The following RBMS3 variants were observed in gnomAD, a reference collection of about 807,000 sequenced individuals.
RBMS3 encodes the protein RNA-binding motif, single-stranded-interacting protein 3.
In RBMS3, 27 loss-of-function variants were observed where a neutral mutation model predicts 66.8. The observed-to-expected ratio is 0.40, with a 90% CI of 0.30 to 0.56. The LOEUF (loss-of-function observed/expected upper bound fraction) is 0.56. Among genes scored for constraint, RBMS3 ranks in the 20% least tolerant of loss-of-function variants. The probability of loss-of-function intolerance (pLI) is 0.40; values close to 1 mark genes in which losing one functional copy is unlikely to be tolerated. For missense variants in RBMS3, 513 were observed against 549.5 expected (o/e 0.93, Z 0.66); for synonymous variants, 188 against 183.0 (o/e 1.03, Z -0.22).
chr3:29,466,450 G>A (rs1256052376), intron 2 of RBMS3, among the ~76,000 whole-genome samples: 1 of 152,102 alleles, frequency 6.6e-6, no homozygotes, highest in Non-Finnish European at 1.5e-5. Context: ...TCCTTCAGAA[G>A]ATTAAATATT....
At chr3:29,323,793 C>T (rs1457291181) in intron 1 of RBMS3, among the ~76,000 whole-genome samples, 1 of 151,964 alleles carries the variant, frequency 6.6e-6, no homozygotes, top group Admixed American at 6.6e-5. Flanking sequence ...ATATAATTCA[C>T]ACCCCTTCTT....
chr3:29,737,270 C>G lies in RBMS3; in HGVS notation c.400-2450C>G, dbSNP rs368322795. On this transcript the variant is annotated intron_variant, in intron 4 of 14. Transcript: ENST00000383767. ...GATTACAGGCATGAGCCACTGCGCC[C>G]GGCCTACAAAGTTATTTTTTAAAAT... Among the ~76,000 whole-genome samples the G allele has an allele frequency of 7.6e-4, 116 of 152,244 alleles. 1 individual carries two copies. The South Asian group carries it at 0.01, about 14-fold the overall frequency.
At chr3:29,432,758 G>A (rs2041256603) in intron 1 of RBMS3, among the ~76,000 whole-genome samples, 2 of 152,194 alleles carry the variant, frequency 1.3e-5, no homozygotes, top group Non-Finnish European at 2.9e-5. Flanking sequence ...GAGTGTTGTA[G>A]GATGATACTT....
At chr3:29,284,858 T>A (rs1043432202) in intron 1 of RBMS3, among the ~76,000 whole-genome samples, 64 of 100,650 alleles carry the variant, frequency 6.4e-4, no homozygotes, top group African/African-American at 2.6e-3. Context: ...TTTGATGAAT[T>A]TTTCTTTTTT....
At chr3:29,664,816 T>C (rs2050691977) in intron 4 of RBMS3, among the ~76,000 whole-genome samples, 1 of 152,204 alleles carries the variant, frequency 6.6e-6, no homozygotes, top group Non-Finnish European at 1.5e-5. Context: ...AGGACACTTC[T>C]AGGTAAATGT....
intron 2 of RBMS3, among the ~76,000 whole-genome samples, chr3:29,479,279 T>C (rs1162142055): frequency 6.6e-6 from 1 of 151,024 alleles, no homozygotes. Flanking sequence ...TAATAGCATA[T>C]GTAATGTATA....
intron 4 of RBMS3, among the ~76,000 whole-genome samples, chr3:29,665,150 C>A (rs2050702823): frequency 6.6e-6 from 1 of 152,046 alleles, no homozygotes; most frequent in African/African-American, 2.4e-5. Context: ...CAATTCTTAC[C>A]AGATTTCTGA....
intron 4 of RBMS3, among the ~76,000 whole-genome samples, chr3:29,718,543 G>A (rs751663622): frequency 6.6e-6 from 1 of 152,000 alleles, no homozygotes; most frequent in Non-Finnish European, 1.5e-5. Flanking sequence ...AGAAAGCACC[G>A]AGATGAAAAG....
chr3:29,614,702 C>G (rs2048603923), intron 4 of RBMS3: 1 of 152,046 alleles, frequency 6.6e-6, no homozygotes, highest in African/African-American at 2.4e-5. Context: ...AGTATAAATT[C>G]TAGCTTGTTA....
chr3:29,446,999 G>A (rs1358149480), intron 2 of RBMS3, among the ~76,000 whole-genome samples: 7 of 127,300 alleles, frequency 5.5e-5, no homozygotes, highest in South Asian at 2.8e-4. Flanking sequence ...CTGCACCTCC[G>A]CCTCCCACGT....
chr3:29,679,787 T>TATATATATATATA, intron 4 of RBMS3, among the ~76,000 whole-genome samples: 3 of 149,504 alleles, frequency 2.0e-5, no homozygotes, highest in African/African-American at 7.5e-5. Flanking sequence ...TATATATATA[T>TATATATATATATA]TATACATAGT....
intron 4 of RBMS3, among the ~76,000 whole-genome samples, chr3:29,732,735 T>G (rs912250585): frequency 1.3e-5 from 2 of 152,124 alleles, no homozygotes; most frequent in Non-Finnish European, 1.5e-5. Context: ...CATTTAGTTT[T>G]TATTATTATT....
At chr3:29,305,300 A>G (rs924555310) in intron 1 of RBMS3, among the ~76,000 whole-genome samples, 3 of 151,720 alleles carry the variant, frequency 2.0e-5, no homozygotes, top group Admixed American at 6.6e-5. Context: ...TTTTCTGTTT[A>G]TTTTCTTACT....
At chr3:29,648,462 A>G (rs1441784135) in intron 4 of RBMS3, among the ~76,000 whole-genome samples, 1 of 151,506 alleles carries the variant, frequency 6.6e-6, no homozygotes, top group Non-Finnish European at 1.5e-5. Flanking sequence ...TTGTAGAGAC[A>G]GGGTTTTGCC....
chr3:29,981,336 C>T lies in RBMS3; in HGVS notation c.1099-6807C>T, dbSNP rs556224664. 1.1e-4 allele frequency among the ~76,000 whole-genome samples: 17 copies of T among 152,196 alleles called. No homozygotes were observed. The South Asian group carries it at 1.9e-3, about 17-fold the overall frequency. ...AGCTTAAGGAGATTTTGGGCTGAGA[C>T]GGTGGGGTTTTCTAAATATACAATC... On this transcript the variant is annotated intron_variant, in intron 12 of 14. Coordinates refer to ENST00000383767, the MANE Select transcript of RBMS3 (RefSeq NM_001003793.3).
At chr3:29,956,504 G>T (rs78850465) in intron 12 of RBMS3, among the ~76,000 whole-genome samples, 1,767 of 152,018 alleles carry the variant, frequency 0.012, 37 homozygotes, top group African/African-American at 0.041. Flanking sequence ...TCAAATTTTT[G>T]ATCTAAATAA....
chr3:29,513,726 C>T lies in RBMS3; in HGVS notation c.307+25227C>T, dbSNP rs777509905. 9.2e-5 allele frequency among the ~76,000 whole-genome samples: 14 copies of T among 152,122 alleles called. 1 individual carries two copies. The highest frequency in any genetic ancestry group is 4.6e-4 in the Admixed American group (7 of 15,258). On this transcript the variant is annotated intron_variant, in intron 3 of 14. Coordinates refer to ENST00000383767, the MANE Select transcript of RBMS3 (RefSeq NM_001003793.3). ...AGGGTGCCTGTAAAATTTGTCTTTG[C>T]GAGACACCACATATTTTGCCCATTT...
intron 5 of RBMS3, among the ~76,000 whole-genome samples, chr3:29,743,894 C>A (rs532518711): frequency 9.4e-6 from 1 of 105,848 alleles, no homozygotes; most frequent in African/African-American, 3.5e-5. Context: ...ATCCCTCCCC[C>A]CTCCCCCCAC....
At chr3:29,899,801 T>G (rs770259553) in intron 10 of RBMS3, 46 bp downstream of exon 10, 1 of 1,577,240 alleles carries the variant, frequency 6.3e-7, no homozygotes, top group Non-Finnish European at 8.7e-7. Context: ...ATTATCCAAG[T>G]ACAAGCTTTT....
Sources: allele counts gnomAD v4.1 joint callset (sites outside exome capture counted in the v4.1 genomes callset), GRCh38; gene constraint gnomAD v4.1.1; transcripts MANE v1.5; gene names NCBI Gene and HGNC (gene_info 2026-07-23, HGNC 2026-07-21).